The following FRMD4A variants were observed in gnomAD, a reference collection of about 807,000 sequenced individuals.
The protein encoded by FRMD4A is FERM domain-containing protein 4A.
A neutral mutation model predicts 129.1 loss-of-function variants in FRMD4A; 29 were observed. The observed-to-expected ratio is 0.22, with a 90% CI of 0.17 to 0.31. The LOEUF is 0.31. Ranked by LOEUF, FRMD4A falls within the 10% of genes least tolerant of loss-of-function variation. The pLI, the probability that FRMD4A is intolerant of heterozygous loss-of-function variation, is 1.00. For synonymous variants in FRMD4A, 634 were observed against 571.6 expected (o/e 1.11, Z -1.56); for missense variants, 1,272 against 1,375.8 (o/e 0.92, Z 1.19).
chr10:14,215,346 G>C (rs935164471), intron 2 of FRMD4A, among the ~76,000 whole-genome samples: 1 of 152,070 alleles, frequency 6.6e-6, no homozygotes, highest in South Asian at 2.1e-4. Flanking sequence ...ATGAAATAAC[G>C]TGTGCAATTT....
At chr10:14,109,618 T>C (rs997108603) in intron 2 of FRMD4A, among the ~76,000 whole-genome samples, 1 of 152,206 alleles carries the variant, frequency 6.6e-6, no homozygotes, top group African/African-American at 2.4e-5. Context: ...GCAAAATTCA[T>C]CAAGAATTTG....
chr10:13,842,739 T>C (rs891789466), intron 3 of FRMD4A, among the ~76,000 whole-genome samples: 9 of 152,188 alleles, frequency 5.9e-5, no homozygotes, highest in African/African-American at 2.2e-4. Context: ...AAATGTGTCT[T>C]ATTTAAAAGA....
At chr10:13,764,355 A>G (rs1249509095) in intron 6 of FRMD4A, among the ~76,000 whole-genome samples, 1 of 151,904 alleles carries the variant, frequency 6.6e-6, no homozygotes, top group East Asian at 1.9e-4. Context: ...AAATACAAAA[A>G]TTAGCCTGGA....
At chr10:14,269,527 C>G (rs1392398119) in intron 2 of FRMD4A, among the ~76,000 whole-genome samples, 2 of 152,154 alleles carry the variant, frequency 1.3e-5, no homozygotes, top group African/African-American at 2.4e-5. Context: ...GCCTTCAGAG[C>G]CAGTGGCGTT....
At chr10:14,188,809 G>A (rs1300815756) in intron 2 of FRMD4A, among the ~76,000 whole-genome samples, 1 of 152,226 alleles carries the variant, frequency 6.6e-6, no homozygotes, top group Non-Finnish European at 1.5e-5. Context: ...GGGAGGCTGG[G>A]GTGGGAGGAT....
chr10:14,326,326 T>C (rs1261840623), intron 2 of FRMD4A: 1 of 152,208 alleles, frequency 6.6e-6, no homozygotes, highest in African/African-American at 2.4e-5. Context: ...TAGAAGGTCC[T>C]AGAAGTCAAA....
intron 9 of FRMD4A, among the ~76,000 whole-genome samples, chr10:13,746,018 G>A (rs182104281): frequency 4.7e-4 from 72 of 152,268 alleles, no homozygotes; most frequent in Admixed American, 5.9e-4. Flanking sequence ...TGCTCTTTGG[G>A]GGCAGGTTAT....
At chr10:14,241,669 T>G (rs1376490534) in intron 2 of FRMD4A, among the ~76,000 whole-genome samples, 2 of 98,000 alleles carry the variant, frequency 2.0e-5, no homozygotes, top group Non-Finnish European at 2.0e-5. Context: ...GAGAGGGATT[T>G]GTTTTACCCT....
intron 2 of FRMD4A, among the ~76,000 whole-genome samples, chr10:14,042,826 C>A (rs1221649501): frequency 7.1e-6 from 1 of 140,002 alleles, no homozygotes; most frequent in East Asian, 2.2e-4. Flanking sequence ...ATTAGGTGGG[C>A]GTGGTAGTGC....
At chr10:14,174,566 G>A (rs200704675) in intron 2 of FRMD4A, among the ~76,000 whole-genome samples, 43 of 102,392 alleles carry the variant, frequency 4.2e-4, no homozygotes, top group Admixed American at 5.7e-4. Flanking sequence ...TCATTCATTC[G>A]TTCATCATTC....
intron 4 of FRMD4A, among the ~76,000 whole-genome samples, chr10:13,804,111 A>T (rs1344112795): frequency 3.3e-5 from 5 of 152,230 alleles, no homozygotes; most frequent in Non-Finnish European, 7.3e-5. Context: ...ACAACACAGC[A>T]TGGGTCGTCT....
intron 2 of FRMD4A, among the ~76,000 whole-genome samples, chr10:13,920,914 A>G (rs2610813): frequency 0.91 from 138,942 of 152,306 alleles, 63,477 homozygotes; most frequent in Middle Eastern, 0.94. Context: ...AATTCTCACT[A>G]TGTGCCAGGC....
At chr10:14,219,258 C>A (rs1249761129) in intron 2 of FRMD4A, among the ~76,000 whole-genome samples, 1 of 152,090 alleles carries the variant, frequency 6.6e-6, no homozygotes, top group Non-Finnish European at 1.5e-5. Flanking sequence ...TCTCAGGATC[C>A]CTGTCTTAAG....
chr10:14,307,984 G>C (rs1846409184), intron 2 of FRMD4A, among the ~76,000 whole-genome samples: 1 of 150,696 alleles, frequency 6.6e-6, no homozygotes, highest in African/African-American at 2.5e-5. Context: ...AAGGCTGGTG[G>C]CAAAATCTGT....
chr10:14,316,565 T>C (rs1172297321), intron 2 of FRMD4A, among the ~76,000 whole-genome samples: 1 of 148,822 alleles, frequency 6.7e-6, no homozygotes, highest in African/African-American at 2.5e-5. Flanking sequence ...AGCCAATCAG[T>C]GCTTGAGTCT....
intron 2 of FRMD4A, among the ~76,000 whole-genome samples, chr10:14,137,680 T>C (rs1355285433): frequency 6.6e-6 from 1 of 152,138 alleles, no homozygotes; most frequent in East Asian, 1.9e-4. Context: ...AGTGGATCTC[T>C]CTCTTGTTCA....
intron 2 of FRMD4A, among the ~76,000 whole-genome samples, chr10:13,899,801 C>A (rs1323799599): frequency 6.6e-6 from 1 of 152,174 alleles, no homozygotes; most frequent in Non-Finnish European, 1.5e-5. Context: ...AATACACTGG[C>A]GGTCACAGGC....
Position 13,663,484 on chromosome 10 carries a change from G to T in FRMD4A, c.1629C>A (p.Ser543Arg). Residue 543 changes from serine (S) to arginine (R), a missense_variant, in exon 19 of 25, where the codon AGC becomes AGA. Physicochemically the swap from Ser to Arg is moderately radical, Grantham distance 110. Transcript: ENST00000357447. ...CAAGAACAAGGGCATCTGAGAGGGA[G>T]CTGTCTTCACTGGCAATGTTTCCAT... Reference protein sequence around the residue: ...IDDGNIASEDSSLSDALVLED... With the variant: ...IDDGNIASEDRSLSDALVLED... The T allele has an allele frequency of 6.4e-7, 1 of 1,563,916 alleles. No individual in the cohort carries two copies. Among genetic ancestry groups the T allele is most frequent in the Non-Finnish European group, 8.8e-7 (1 of 1,134,016 alleles).
chr10:13,959,943 C>T (rs570315483), intron 2 of FRMD4A, among the ~76,000 whole-genome samples: 2 of 152,226 alleles, frequency 1.3e-5, no homozygotes, highest in South Asian at 4.2e-4. Context: ...CAGTAGATGC[C>T]GTGGAAAAGG....
Sources: gnomAD v4.1 joint callset for allele counts (sites outside exome capture counted in the v4.1 genomes callset) on GRCh38, gnomAD v4.1.1 for gene constraint, MANE v1.5 for transcripts, NCBI Gene and HGNC (gene_info 2026-07-23, HGNC 2026-07-21) for gene names.